PABPC1L: variants seen among roughly 807,000 people sequenced by gnomAD.
PABPC1L encodes polyadenylate-binding protein 1-like.
A neutral mutation model predicts 66.6 loss-of-function variants in PABPC1L; 31 were observed. The ratio of observed to expected loss-of-function variants is 0.47; its 90% CI spans 0.35 to 0.63. PABPC1L has a LOEUF of 0.63. Ranked by LOEUF, PABPC1L falls within the 20% of genes least tolerant of loss-of-function variation. The pLI, the probability that PABPC1L is intolerant of heterozygous loss-of-function variation, is 0.00. For missense variants in PABPC1L, 722 were observed against 848.8 expected (o/e 0.85, Z 1.86); for synonymous variants, 348 against 335.1 (o/e 1.04, Z -0.42).
chr20:44,938,566 A>T, intron 13 of PABPC1L, 108 bp from the exon 14 acceptor site: 1 of 1,300,690 alleles, frequency 7.7e-7, no homozygotes, highest in Non-Finnish European at 1.1e-6. Context: ...AACCCTGTGG[A>T]TGGAGGAGGA....
intron 11 of PABPC1L, 136 bp from the exon 12 acceptor site, chr20:44,936,501 C>A (rs532869031): frequency 1.5e-5 from 10 of 673,382 alleles, no homozygotes; most frequent in South Asian, 1.4e-4. Flanking sequence ...CTCTCCACCC[C>A]ACCTGATCAT....
rs1198540380 is a variant in PABPC1L, at chr20:44,918,312, A to G, written c.504-594A>G. Among the ~76,000 whole-genome samples the G allele has an allele frequency of 3.9e-5, 6 of 152,236 alleles. No homozygotes were observed. The East Asian group carries it at 1.2e-3, about 29-fold the overall frequency. The stretch of plus-strand genomic sequence containing the variant: ...ACCACTGTACTCCAGCCTGGGCGAT[A>G]GAGCGAAACTCAGTGTCAAAAACAT... On this transcript the variant is annotated intron_variant, in intron 3 of 14. Coordinates refer to ENST00000217073, the MANE Select transcript of PABPC1L (RefSeq NM_001372179.1).
intron 1 of PABPC1L, 94 bp downstream of exon 1, chr20:44,910,430 A>G: frequency 7.5e-7 from 1 of 1,336,612 alleles, no homozygotes. Context: ...CTTTCATCTT[A>G]CACTTTGCAG....
At position 44,918,938 on chromosome 20, in the gene PABPC1L, G is replaced by A. The variant is rs760980041; in HGVS notation, c.536G>A (p.Arg179Gln). The change falls in exon 4 of 15, where the codon CGG becomes CAG. Residue 179 changes from arginine to glutamine, a missense_variant. This residue lies in a region of PABPC1L where 284 missense variants were observed against 294.8 expected (regional missense o/e 0.96). Coordinates refer to ENST00000217073, the MANE Select transcript of PABPC1L (RefSeq NM_001372179.1). ...GGTCACTTCAAGTCTCGACGGGAGC[G>A]GGAGGCGGAGCTGGGGGCGCGGGCC... The part of the protein sequence containing the change: ...FVGHFKSRRE[R>Q]EAELGARALE... The A allele has an allele frequency of 6.5e-5, 105 of 1,608,692 alleles. No individual in the cohort carries two copies. The highest frequency in any genetic ancestry group is 8.7e-5 in the Non-Finnish European group (102 of 1,177,528).
chr20:44,913,465 A>G (rs2066718124), intron 2 of PABPC1L, among the ~76,000 whole-genome samples: 1 of 151,874 alleles, frequency 6.6e-6, no homozygotes, highest in Admixed American at 6.6e-5. Flanking sequence ...AGGCTGGAGT[A>G]CAGTGGCATG....
chr20:44,938,495 A>G (rs1448357958), intron 13 of PABPC1L, among the ~76,000 whole-genome samples, 179 bp from the exon 14 acceptor site: 1 of 152,152 alleles, frequency 6.6e-6, no homozygotes, highest in Non-Finnish European at 1.5e-5. Context: ...CCTCTGTGTC[A>G]AAGGTGACAG....
At chr20:44,912,484 T>A (rs749075132) in intron 1 of PABPC1L, among the ~76,000 whole-genome samples, 176 bp from the exon 2 acceptor site, 1 of 152,136 alleles carries the variant, frequency 6.6e-6, no homozygotes, top group Non-Finnish European at 1.5e-5. Context: ...AGCTTATCCT[T>A]CCTGAGCCTT....
At chr20:44,918,856 T>C in intron 3 of PABPC1L, 50 bp from the exon 4 acceptor site, 1 of 1,527,076 alleles carries the variant, frequency 6.5e-7, no homozygotes, top group Non-Finnish European at 8.8e-7. Flanking sequence ...TGGGGGTGGC[T>C]GATGGCTGGT....
At chr20:44,925,229 A>AT (rs1329168195) in intron 7 of PABPC1L, among the ~76,000 whole-genome samples, 15 of 151,690 alleles carry the variant, frequency 9.9e-5, no homozygotes, top group Non-Finnish European at 1.9e-4. Flanking sequence ...AAAAAAAAAA[A>AT]AGCGCCCAGA....
intron 3 of PABPC1L, 78 bp from the exon 4 acceptor site, chr20:44,918,828 G>A: frequency 2.0e-6 from 3 of 1,498,014 alleles, no homozygotes; most frequent in Non-Finnish European, 1.8e-6. Context: ...AAGGGCAGCA[G>A]TTGAGCAGGA....
At chr20:44,937,050 T>C in intron 12 of PABPC1L, 1 of 504,818 alleles carries the variant, frequency 2.0e-6, no homozygotes. Context: ...GGGTTTCTGC[T>C]GAGAAATGGC....
intron 12 of PABPC1L, 127 bp downstream of exon 12, chr20:44,936,857 A>G (rs1275853141): frequency 7.2e-6 from 7 of 970,714 alleles, no homozygotes; most frequent in Non-Finnish European, 1.1e-5. Flanking sequence ...CGACCCCCCT[A>G]CTGGGTGACC....
chr20:44,938,715 G>A lies in PABPC1L; in HGVS notation c.1833G>A (p.Met611Ile). ...AVAVLQAHQA[M>I]EQPKAYMH ...CCGTGCTGCAGGCACACCAGGCTATGGAGCAGCCGAAGGCGTACATGCACT... is the reference window on the plus strand; with the variant it reads ...CCGTGCTGCAGGCACACCAGGCTATAGAGCAGCCGAAGGCGTACATGCACT... Residue 611 changes from methionine (M) to isoleucine (I), a missense_variant, in exon 14 of 15, where the codon ATG becomes ATA. Met to Ile is a conservative substitution (Grantham distance 10). Around this residue, in one of 3 missense-constraint regions of PABPC1L, gnomAD observed 301 missense variants for 337.2 expected, o/e 0.89. Transcript: ENST00000217073. 2 of 1,612,114 alleles carry A rather than the reference G, an allele frequency of 1.2e-6. No homozygotes were observed. The highest frequency in any genetic ancestry group is 1.7e-6 in the Non-Finnish European group (2 of 1,179,302).
At chr20:44,914,862 A>G (rs2066727930) in intron 2 of PABPC1L, among the ~76,000 whole-genome samples, 1 of 152,216 alleles carries the variant, frequency 6.6e-6, no homozygotes, top group African/African-American at 2.4e-5. Context: ...ACAATCAAAG[A>G]ATTACTTCTG....
intron 3 of PABPC1L, among the ~76,000 whole-genome samples, chr20:44,918,444 G>A (rs1345637606): frequency 6.6e-6 from 1 of 152,136 alleles, no homozygotes; most frequent in Non-Finnish European, 1.5e-5. Flanking sequence ...TGCTTCCCCA[G>A]TGCACCCAAT....
intron 6 of PABPC1L, 149 bp from the exon 7 acceptor site, chr20:44,924,012 G>T: frequency 3.0e-6 from 2 of 670,988 alleles, no homozygotes; most frequent in Non-Finnish European, 2.7e-6. Context: ...AGGGATGGGG[G>T]TACCTGGGTG....
At chr20:44,933,868 C>T (rs1228957656) in intron 10 of PABPC1L, among the ~76,000 whole-genome samples, 1 of 151,474 alleles carries the variant, frequency 6.6e-6, no homozygotes, top group East Asian at 1.9e-4. Flanking sequence ...TCTCCTGCCT[C>T]AGCCTCCTGA....
At chr20:44,932,938 T>C in intron 9 of PABPC1L, 119 bp from the exon 10 acceptor site, 1 of 637,736 alleles carries the variant, frequency 1.6e-6, no homozygotes, top group East Asian at 2.7e-5. Flanking sequence ...GTTGTGAATG[T>C]TGTAGTTTCC....
chr20:44,910,277 A>G lies in PABPC1L; in HGVS notation c.134A>G (p.Asp45Gly). ...GPILSIRVCR[D>G]VATRRSLGYA... ...ATCCTGTCCATCCGCGTGTGCCGCG[A>G]TGTAGCCACCCGGCGCTCGCTGGGC... The change falls in exon 1 of 15, where the codon GAT becomes GGT. Residue 45 changes from aspartate (D) to glycine (G), a missense_variant. Physicochemically the swap from Asp to Gly is moderately conservative, Grantham distance 94. Coordinates refer to ENST00000217073, the MANE Select transcript of PABPC1L (RefSeq NM_001372179.1). The G allele has an allele frequency of 1.3e-6, 2 of 1,552,666 alleles. No individual in the cohort carries two copies. Among genetic ancestry groups the G allele is most frequent in the Non-Finnish European group, 1.7e-6 (2 of 1,147,708 alleles).
Sources: gnomAD v4.1 joint callset for allele counts (sites outside exome capture counted in the v4.1 genomes callset) on GRCh38, gnomAD v4.1.1 for gene constraint, gnomAD v4.1.1 regional missense constraint, MANE v1.5 for transcripts, NCBI Gene and HGNC (gene_info 2026-07-23, HGNC 2026-07-21) for gene names.